ZNF284: variants seen among roughly 807,000 people sequenced by gnomAD.
ZNF284 encodes zinc finger protein 284.
A neutral mutation model predicts 12.9 loss-of-function variants in ZNF284; 12 were observed. That is an observed-to-expected ratio of 0.93 (90% CI 0.60 to 1.51). The LOEUF (loss-of-function observed/expected upper bound fraction) is 1.51, where lower values mean the gene tolerates loss of function less well. Among genes scored for constraint, ZNF284 ranks in the 40% most tolerant of loss-of-function variants. The pLI, the probability that ZNF284 is intolerant of heterozygous loss-of-function variation, is 0.00. For missense variants in ZNF284, 667 were observed against 707.3 expected, an observed-to-expected ratio of 0.94 and a Z score of 0.65; for synonymous variants, 225 against 236.5, an observed-to-expected ratio of 0.95 and a Z score of 0.45.
At chr19:44,082,477 C>T (rs1000969726) in intron 4 of ZNF284, among the ~76,000 whole-genome samples, 2 of 152,242 alleles carry the variant, frequency 1.3e-5, no homozygotes, top group Admixed American at 6.5e-5. Context: ...GTACTCCCTG[C>T]TGTTTCTCCA....
chr19:44,074,808 A>T (rs1599875923), intron 1 of ZNF284, among the ~76,000 whole-genome samples: 1 of 152,124 alleles, frequency 6.6e-6, no homozygotes, highest in East Asian at 1.9e-4. Flanking sequence ...ATCTCTACTA[A>T]AAATACAAAA....
chr19:44,086,330 G>A lies in ZNF284; in HGVS notation c.852G>A (p.Glu284=), dbSNP rs745940210. The part of the protein sequence containing the change: ...LREHQRIHTG[E]KPFKCYICGK... ...AACATCAAAGAATCCATACTGGGGA[G>A]AAGCCATTCAAATGTTATATATGTG... The change falls in exon 5 of 5, where the codon GAG becomes GAA. Residue 284 remains glutamate (E), a synonymous_variant. Transcript: ENST00000421176. 1.2e-6 allele frequency: 2 copies of A among 1,614,032 alleles called. No individual in the cohort carries two copies. The highest frequency in any genetic ancestry group is 4.5e-5 in the East Asian group (2 of 44,886).
chr19:44,076,455 G>A, intron 2 of ZNF284, 51 bp downstream of exon 2: 1 of 1,582,236 alleles, frequency 6.3e-7, no homozygotes, highest in Non-Finnish European at 8.6e-7. Flanking sequence ...TGCTACTTAA[G>A]ATTGTCACAT....
At chr19:44,074,772 C>G (rs1439440208) in intron 1 of ZNF284, among the ~76,000 whole-genome samples, 1 of 152,168 alleles carries the variant, frequency 6.6e-6, no homozygotes, top group South Asian at 2.1e-4. Flanking sequence ...AGTTCAAGAC[C>G]AGCCTGGCCA....
chr19:44,077,441 G>C (rs1298277364), intron 2 of ZNF284, among the ~76,000 whole-genome samples: 2 of 151,006 alleles, frequency 1.3e-5, no homozygotes, highest in Non-Finnish European at 2.9e-5. Context: ...AATCTTGCCA[G>C]TTGCTCCAGC....
In ZNF284 at chr19:44,087,006, C is replaced by T. The variant is rs753314705; in HGVS notation, c.1528C>T (p.Pro510Ser). ...TCAAAGAATTCACACTGGAGAAAAG[C>T]CTTACAAATGTGAGGAGTGTGGAAA... The part of the protein sequence containing the change: ...FHQRIHTGEK[P>S]YKCEECGKGF... The change falls in exon 5 of 5, where the codon CCT becomes TCT. Residue 510 changes from proline to serine, a missense_variant. Physicochemically the swap from Pro to Ser is moderately conservative, Grantham distance 74. Coordinates refer to ENST00000421176, the MANE Select transcript of ZNF284 (RefSeq NM_001037813.4). 117 of 1,614,000 alleles carry T rather than the reference C, an allele frequency of 7.2e-5. No homozygotes were observed. Among genetic ancestry groups the T allele is most frequent in the Non-Finnish European group, 9.7e-5 (114 of 1,180,022 alleles).
chr19:44,086,824 A>T lies in ZNF284; in HGVS notation c.1346A>T (p.His449Leu), dbSNP rs1211992760. 3 of 1,614,098 alleles carry T rather than the reference A, an allele frequency of 1.9e-6. No individual in the cohort carries two copies. The African/African-American group carries it at 4.0e-5, about 22-fold the overall frequency. ...AATCTTGACTTGCACCAGAGGGTCC[A>T]CACGGGAGAGAGACCTTATAATTGT... is the stretch of plus-strand genomic sequence containing the variant. Reference protein sequence around the residue: ...KFNLDLHQRVHTGERPYNCKE... With the variant: ...KFNLDLHQRVLTGERPYNCKE... Residue 449 changes from histidine to leucine, a missense_variant, in exon 5 of 5, where the codon CAC (histidine) becomes CTC (leucine). Transcript: ENST00000421176.
intron 1 of ZNF284, among the ~76,000 whole-genome samples, chr19:44,072,497 G>C (rs866535473): frequency 1.3e-4 from 20 of 152,108 alleles, no homozygotes; most frequent in African/African-American, 4.3e-4. Flanking sequence ...CACAATTTAG[G>C]GTTGGGATGT....
At chr19:44,076,179 T>C in intron 1 of ZNF284, 143 bp from the exon 2 acceptor site, 1 of 489,574 alleles carries the variant, frequency 2.0e-6, no homozygotes, top group East Asian at 2.9e-5. Flanking sequence ...ATTTTGGTTG[T>C]GTGCAATTTT....
At chr19:44,085,299 A>T (rs975172869) in intron 4 of ZNF284, 2 of 164,764 alleles carry the variant, frequency 1.2e-5, no homozygotes, top group Non-Finnish European at 2.6e-5. Context: ...TGCTGAAGTG[A>T]GCACTACTCA....
chr19:44,077,535 C>CTTTTTTTTTTTTTGTT (rs1967050827), intron 2 of ZNF284, among the ~76,000 whole-genome samples: 1 of 76,234 alleles, frequency 1.3e-5, no homozygotes, highest in Non-Finnish European at 2.8e-5. Context: ...ATTTTTCTGT[C>CTTTTTTTTTTTTTGTT]TTTTTTTTTT....
At chr19:44,077,114 C>T (rs1967042496) in intron 2 of ZNF284, among the ~76,000 whole-genome samples, 1 of 152,208 alleles carries the variant, frequency 6.6e-6, no homozygotes, top group African/African-American at 2.4e-5. Context: ...ACCACTGCAC[C>T]TGCCGATGTT....
rs1265438263 is a variant in ZNF284 at position 44,082,043 on chromosome 19, A to G, written c.173A>G (p.His58Arg). 1.2e-6 allele frequency: 2 copies of G among 1,613,874 alleles called. No homozygotes were observed. The highest frequency in any genetic ancestry group is 2.2e-5 in the South Asian group (2 of 91,074). The part of the protein sequence containing the change: ...GHQLSHRDTF[H>R]FQREEKFWIM... The stretch of plus-strand genomic sequence containing the variant: ...CAACTTTCCCACCGAGATACTTTTC[A>G]CTTCCAAAGAGAAGAAAAGTTTTGG... Residue 58 changes from histidine (H) to arginine (R), a missense_variant, in exon 4 of 5, where the codon CAC becomes CGC. Physicochemically the swap from His to Arg is conservative, Grantham distance 29. Coordinates refer to ENST00000421176, the MANE Select transcript of ZNF284 (RefSeq NM_001037813.4).
intron 1 of ZNF284, among the ~76,000 whole-genome samples, chr19:44,074,403 T>C (rs1966997942): frequency 1.3e-5 from 2 of 152,076 alleles, no homozygotes; most frequent in African/African-American, 4.8e-5. Flanking sequence ...TATTTTCATA[T>C]CATTTGAAAC....
Position 44,087,301 on chromosome 19 carries a change from T to C in ZNF284, c.*41T>C. The C allele has an allele frequency of 7.6e-7, 1 of 1,320,698 alleles. No homozygotes were observed. Among genetic ancestry groups the C allele is most frequent in the Non-Finnish European group, 1.0e-6 (1 of 979,016 alleles). The allele number at this position is 1,320,698 out of a possible 1,614,324, so 81.8% of individuals were successfully genotyped here. ...ATGGGTTACAGCATATTTCAATACA[T>C]GTATACAATGTATAATGATCAAATC... On this transcript the variant is annotated 3_prime_UTR_variant, in exon 5 of 5. Transcript: ENST00000421176.
rs1367961038 is a variant in ZNF284 at position 44,089,580 on chromosome 19, T to C, written c.*2320T>C. ...ATCTGTAAAAGATGTAGCATTGTCA[T>C]GGACTCCTTAATAAACGTGAAGACT... On this transcript the variant is annotated 3_prime_UTR_variant, in exon 5 of 5. Transcript: ENST00000421176. 6.6e-6 allele frequency: 1 copy of C among 152,212 alleles called. No individual in the cohort carries two copies. Among genetic ancestry groups the C allele is most frequent in the Non-Finnish European group, 1.5e-5 (1 of 68,042 alleles). The allele number at this position is 152,212 out of a possible 1,614,324, so 9.4% of individuals were successfully genotyped here.
rs1213843453 is a variant in ZNF284, at chr19:44,081,065, G to A, written c.66G>A (p.Leu22=). 3 of 1,613,198 alleles carry A rather than the reference G, an allele frequency of 1.9e-6. No individual in the cohort carries two copies. The highest frequency in any genetic ancestry group is 1.7e-5 in the Admixed American group (1 of 59,976). The part of the protein sequence containing the change: ...DVAVVFTEEE[L]GLLDVSQRKL... ...CTGTGGTCTTCACCGAGGAGGAGCT[G>A]GGGCTGCTGGACGTTTCCCAGAGGA... The change falls in exon 3 of 5, where the codon CTG becomes CTA. Residue 22 remains leucine, a synonymous_variant. Coordinates refer to ENST00000421176, the MANE Select transcript of ZNF284 (RefSeq NM_001037813.4).
intron 2 of ZNF284, among the ~76,000 whole-genome samples, chr19:44,077,931 TC>T (rs1400228737): frequency 2.0e-5 from 3 of 152,102 alleles, no homozygotes; most frequent in Non-Finnish European, 2.9e-5. Context: ...TGCCACCTCC[TC>T]AGGTGCACCT....
Position 44,086,130 on chromosome 19 carries a change from C to G in ZNF284, c.652C>G (p.Leu218Val), listed in dbSNP as rs1967238204. 1 of 1,614,212 alleles carries G rather than the reference C, an allele frequency of 6.2e-7. No homozygotes were observed. Among genetic ancestry groups the G allele is most frequent in the East Asian group, 2.2e-5 (1 of 44,882 alleles). The change falls in exon 5 of 5, where the codon CTG (leucine) becomes GTG (valine). Residue 218 changes from leucine to valine, a missense_variant. Leu to Val is a conservative substitution (Grantham distance 32, BLOSUM62 1). Transcript: ENST00000421176. ...TAAGGCATTTAGTCAGAACTCACAA[C>G]TGCAAACTCATCAGAGAATCCACAC... ...CSKAFSQNSQ[L>V]QTHQRIHTGE...
Sources: allele counts gnomAD v4.1 joint callset (sites outside exome capture counted in the v4.1 genomes callset), GRCh38; gene constraint gnomAD v4.1.1; transcripts MANE v1.5; gene names NCBI Gene and HGNC (gene_info 2026-07-23, HGNC 2026-07-21).